Variants in MAX observed in about 807,000 individuals in gnomAD.
MAX encodes MYC associated transcriptional regulator X, also known as protein max.
Under a neutral mutation model 22.3 loss-of-function variants are expected in MAX, and 3 were observed. The ratio of observed to expected loss-of-function variants is 0.13; its 90% confidence interval spans 0.06 to 0.35. The LOEUF is 0.35. MAX is among the 10% of genes least tolerant of loss of function. The pLI, the probability that MAX is intolerant of heterozygous loss-of-function variation, is 1.00. For synonymous variants in MAX, 72 were observed against 77.7 expected (o/e 0.93, Z 0.39); for missense variants, 119 against 209.4 (o/e 0.57, Z 2.66).
chr14:65,102,365 T>TGCA lies in MAX; in HGVS notation c.-29_-27dup, dbSNP rs748207426. 2.5e-6 allele frequency: 4 copies of TGCA among 1,612,698 alleles called. No homozygotes were observed. The highest frequency in any genetic ancestry group is 3.4e-6 in the Non-Finnish European group (4 of 1,179,490). On this transcript the variant is annotated 5_prime_UTR_variant, in exon 1 of 5. Coordinates refer to ENST00000358664, the MANE Select transcript of MAX (RefSeq NM_002382.5). ...TTCCTACGGCCCAGGGAGCGGCCAC[T>TGCA]GCAGCGGCGGCGGGGAGGGGAAGGG...
chr14:65,061,412 G>A, intron 3 of MAX: 2 of 1,511,456 alleles, frequency 1.3e-6, no homozygotes, highest in Non-Finnish European at 1.8e-6. Context: ...ACAAGCCTTA[G>A]CCTCAGTGGA....
In MAX at chr14:65,084,688, A is replaced by C. The variant is rs1417401862; in HGVS notation, c.172-6652T>G. On this transcript the variant is annotated intron_variant, in intron 3 of 4. Coordinates refer to ENST00000358664, the MANE Select transcript of MAX (RefSeq NM_002382.5). This position sits in a 1 kb window ranked among gnomAD's most constrained non-coding sequence, Gnocchi z 4.3. Reference sequence around the variant, plus strand: ...GAATGCAACCCCAATTGCCCAAAAGAAACATGCCTAATGACTAAACATGAG... The same window carrying C: ...GAATGCAACCCCAATTGCCCAAAAGCAACATGCCTAATGACTAAACATGAG... Among the ~76,000 whole-genome samples, 9 of 152,254 alleles carry C rather than the reference A, an allele frequency of 5.9e-5. No homozygotes were observed.
At chr14:65,046,653 G>A (rs1213473301) in intron 3 of MAX, among the ~76,000 whole-genome samples, 1 of 152,212 alleles carries the variant, frequency 6.6e-6, no homozygotes, top group Non-Finnish European at 1.5e-5. Context: ...ACAGACAGGA[G>A]TCTGTAAAGA....
intron 3 of MAX, among the ~76,000 whole-genome samples, chr14:65,050,927 G>T (rs1196053244): frequency 6.6e-6 from 1 of 152,172 alleles, no homozygotes; most frequent in Non-Finnish European, 1.5e-5. Context: ...CAAGGAACTG[G>T]AAACAACCTT....
chr14:65,102,523 AC>A, upstream of MAX: 1 of 1,458,004 alleles, frequency 6.9e-7, no homozygotes, highest in Non-Finnish European at 9.0e-7. Flanking sequence ...TCACTGCAGC[AC>A]CGGATCAACG....
At position 65,093,557 on chromosome 14, in the gene MAX, A is replaced by G. The variant is rs2063575185; in HGVS notation, c.171+151T>C. The G allele has an allele frequency of 2.9e-6, 2 of 689,726 alleles. No individual in the cohort carries two copies. 42.7% of individuals were successfully genotyped at this position (689,726 alleles called of 1,614,324 possible). A position where few individuals can be genotyped will look rare whatever the true frequency, so the allele number is the denominator to read the frequency against. ...ATAAACTGGAGTACGTAAGGTGTGC[A>G]GTGATCCTCCAAACAGTCAAAAATA... On this transcript the variant is annotated intron_variant, in intron 3 of 4. Transcript: ENST00000358664. This position sits in a 1 kb window ranked among gnomAD's most constrained non-coding sequence, Gnocchi z 4.4.
Position 65,077,906 on chromosome 14 carries a change from T to TGCTC in MAX, c.295+3_295+6dup. 6.2e-7 allele frequency: 1 copy of TGCTC among 1,614,150 alleles called. No individual in the cohort carries two copies. Among genetic ancestry groups the TGCTC allele is most frequent in the Non-Finnish European group, 8.5e-7 (1 of 1,180,014 alleles). ...GGGCCAGCTGCCCCACGAGCTCGGGTGCTCACCTTGCTGCTCCAGAAGAGC... is the reference window on the plus strand; with the variant it reads ...GGGCCAGCTGCCCCACGAGCTCGGGTGCTCGCTCACCTTGCTGCTCCAGAAGAGC... On this transcript the variant is annotated splice_region_variant and intron_variant, in intron 4 of 4. Transcript: ENST00000358664. This position sits in a 1 kb window ranked among gnomAD's most constrained non-coding sequence, Gnocchi z 6.3.
chr14:65,051,099 T>A (rs533413146), intron 3 of MAX, among the ~76,000 whole-genome samples: 2 of 152,218 alleles, frequency 1.3e-5, no homozygotes. Flanking sequence ...GATGGGAGAT[T>A]GGATGCTTCT....
intron 3 of MAX, chr14:65,041,013 G>C: frequency 1.9e-6 from 3 of 1,545,392 alleles, no homozygotes; most frequent in Non-Finnish European, 2.6e-6. Context: ...TTTGGCTATG[G>C]GAAGGGCTAA....
chr14:65,055,549 C>A (rs2062716323), intron 3 of MAX, among the ~76,000 whole-genome samples: 1 of 151,874 alleles, frequency 6.6e-6, no homozygotes, highest in Non-Finnish European at 1.5e-5. Context: ...CAAAGTCTCA[C>A]TCTGTCACCC....
intron 3 of MAX, among the ~76,000 whole-genome samples, chr14:65,018,851 C>T (rs1016692959): frequency 1.3e-5 from 2 of 151,142 alleles, no homozygotes; most frequent in African/African-American, 4.9e-5. Flanking sequence ...TGGCTCACAC[C>T]TGTAATCCCA....
At chr14:65,035,041 G>T (rs981118395) in intron 3 of MAX, among the ~76,000 whole-genome samples, 1 of 152,222 alleles carries the variant, frequency 6.6e-6, no homozygotes, top group Non-Finnish European at 1.5e-5. Context: ...TCCCCAGCAC[G>T]TATGTGGAAA....
rs571424102 is a variant in MAX, at chr14:65,080,078, T to C, written c.172-2042A>G. Reference sequence around the variant, plus strand: ...GCAGTGCTGACAAGCGTAACCTGACTAGCAGAGACTAGAGACACCACGGGA... The same window carrying C: ...GCAGTGCTGACAAGCGTAACCTGACCAGCAGAGACTAGAGACACCACGGGA... On this transcript the variant is annotated intron_variant, in intron 3 of 4. Transcript: ENST00000358664. 2.0e-5 allele frequency among the ~76,000 whole-genome samples: 3 copies of C among 152,338 alleles called. No individual in the cohort carries two copies. In the South Asian group the frequency reaches 6.2e-4, roughly 32 times the overall value.
chr14:65,053,236 A>G, intron 3 of MAX: 1 of 1,374,460 alleles, frequency 7.3e-7, no homozygotes, highest in African/African-American at 1.5e-5. Context: ...GCCCTTCAAC[A>G]GGTGACCCTG....
chr14:65,068,892 T>A (rs1216137054), intron 3 of MAX, among the ~76,000 whole-genome samples: 2 of 152,134 alleles, frequency 1.3e-5, no homozygotes, highest in Non-Finnish European at 2.9e-5. Context: ...TCTGTACCCA[T>A]GATGGCCTGG....
intron 3 of MAX, among the ~76,000 whole-genome samples, chr14:65,038,266 C>T (rs573944525): frequency 3.2e-4 from 48 of 151,204 alleles, no homozygotes; most frequent in Admixed American, 7.9e-4. Flanking sequence ...AAACATTAGC[C>T]GGGTGTGGTG....
chr14:65,075,325 T>C lies in MAX; in HGVS notation c.*1151A>G. On this transcript the variant is annotated 3_prime_UTR_variant, in exon 5 of 5. Coordinates refer to ENST00000358664, the MANE Select transcript of MAX (RefSeq NM_002382.5). The surrounding 1 kb of genome is among the most constrained non-coding windows in gnomAD (Gnocchi z 4.1). ...AGGAAAAAGACAAAGAAATGAGGCC[T>C]AAACACACAAAACCCTTCACTGGCA... The C allele has an allele frequency of 9.4e-7, 1 of 1,062,476 alleles. No individual in the cohort carries two copies. The highest frequency in any genetic ancestry group is 1.6e-5 in the African/African-American group (1 of 60,914). 65.8% of individuals were successfully genotyped at this position (1,062,476 alleles called of 1,614,324 possible).
At chr14:65,041,504 C>T (rs1017772698) in intron 3 of MAX, among the ~76,000 whole-genome samples, 4 of 152,190 alleles carry the variant, frequency 2.6e-5, no homozygotes, top group South Asian at 2.1e-4. Context: ...CACACCTCCA[C>T]GGCCACCAGG....
chr14:65,053,701 G>C (rs1488524168), intron 3 of MAX, among the ~76,000 whole-genome samples: 5 of 151,748 alleles, frequency 3.3e-5, no homozygotes, highest in African/African-American at 1.2e-4. Context: ...TGTAAACAGA[G>C]ACTGTAATCA....
Sources: gnomAD v4.1 joint callset for allele counts (sites outside exome capture counted in the v4.1 genomes callset) on GRCh38, gnomAD v4.1.1 for gene constraint, Gnocchi (gnomAD v3.1) non-coding constraint, MANE v1.5 for transcripts, NCBI Gene and HGNC (gene_info 2026-07-23, HGNC 2026-07-21) for gene names.